The following SPAG16 variants were observed in gnomAD, a reference collection of about 807,000 sequenced individuals.
SPAG16 encodes the protein sperm associated antigen 16.
In SPAG16, 86 loss-of-function variants were observed where a neutral mutation model predicts 80.4. The ratio of observed to expected loss-of-function variants is 1.07; its 90% CI spans 0.90 to 1.28. The LOEUF (loss-of-function observed/expected upper bound fraction) is 1.28. Among genes scored for constraint, SPAG16 ranks in the 50% most tolerant of loss-of-function variants. The pLI is 0.00. For synonymous variants in SPAG16, 294 were observed against 265.9 expected, an observed-to-expected ratio of 1.11 and a Z score of -1.03; for missense variants, 870 against 765.3, an observed-to-expected ratio of 1.14 and a Z score of -1.61.
At chr2:214,309,167 A>C (rs547537067) in intron 15 of SPAG16, among the ~76,000 whole-genome samples, 1 of 151,514 alleles carries the variant, frequency 6.6e-6, no homozygotes, top group African/African-American at 2.4e-5. Context: ...TCTTTACTCC[A>C]CTTGGCCTAT....
intron 15 of SPAG16, among the ~76,000 whole-genome samples, chr2:214,390,991 T>C (rs1011050248): frequency 3.3e-5 from 5 of 152,124 alleles, no homozygotes; most frequent in African/African-American, 1.2e-4. Context: ...GAGGATTAGG[T>C]ATTTGTGACT....
intron 10 of SPAG16, among the ~76,000 whole-genome samples, chr2:213,812,489 G>A (rs2072228835): frequency 1.3e-5 from 2 of 152,164 alleles, no homozygotes; most frequent in African/African-American, 4.8e-5. Context: ...TTTAAAAAGT[G>A]ATTAGAATTG....
chr2:213,959,606 A>C (rs1157663200), intron 12 of SPAG16, among the ~76,000 whole-genome samples: 3 of 152,190 alleles, frequency 2.0e-5, no homozygotes, highest in Non-Finnish European at 4.4e-5. Context: ...ACCCTAAGGA[A>C]TAATACCATG....
At chr2:213,746,974 T>C (rs1248001956) in intron 10 of SPAG16, among the ~76,000 whole-genome samples, 1 of 152,164 alleles carries the variant, frequency 6.6e-6, no homozygotes, top group Non-Finnish European at 1.5e-5. Flanking sequence ...TGTAAATCAG[T>C]CTCAGGTCCT....
chr2:213,481,788 A>G (rs899151606), intron 9 of SPAG16, among the ~76,000 whole-genome samples: 2 of 152,232 alleles, frequency 1.3e-5, no homozygotes, highest in African/African-American at 4.8e-5. Flanking sequence ...AGTAAAAGGA[A>G]CACAAATGAA....
chr2:213,645,329 T>C (rs1463748965), intron 10 of SPAG16, among the ~76,000 whole-genome samples: 1 of 152,004 alleles, frequency 6.6e-6, no homozygotes, highest in East Asian at 1.9e-4. Flanking sequence ...CCCAAGAGTC[T>C]GCTTGGTGCT....
At chr2:213,597,225 A>G (rs1265985877) in intron 10 of SPAG16, among the ~76,000 whole-genome samples, 1 of 152,160 alleles carries the variant, frequency 6.6e-6, no homozygotes, top group Non-Finnish European at 1.5e-5. Context: ...TTGATTGGTA[A>G]TTCAACACAT....
chr2:214,240,205 C>T (rs975925066), intron 15 of SPAG16: 4 of 152,184 alleles, frequency 2.6e-5, no homozygotes, highest in African/African-American at 9.7e-5. Context: ...GTCCATATCA[C>T]CTCTAATCCA....
intron 15 of SPAG16, among the ~76,000 whole-genome samples, chr2:214,190,882 C>T (rs1266113730): frequency 6.6e-6 from 1 of 152,134 alleles, no homozygotes; most frequent in African/African-American, 2.4e-5. Context: ...TGTTGTTTAT[C>T]AGCTAATTGG....
chr2:214,078,787 T>C (rs2051214684), intron 13 of SPAG16, among the ~76,000 whole-genome samples: 1 of 152,182 alleles, frequency 6.6e-6, no homozygotes, highest in Non-Finnish European at 1.5e-5. Flanking sequence ...TTTCAGAGTA[T>C]TTCTCTATGA....
chr2:213,729,977 G>A (rs1397866198), intron 10 of SPAG16, among the ~76,000 whole-genome samples: 5 of 152,160 alleles, frequency 3.3e-5, no homozygotes, highest in Non-Finnish European at 5.9e-5. Flanking sequence ...AACTCTTTAC[G>A]TGCAGACACT....
chr2:213,315,404 C>T (rs1397673163), intron 4 of SPAG16, among the ~76,000 whole-genome samples: 5 of 151,908 alleles, frequency 3.3e-5, no homozygotes, highest in Admixed American at 1.3e-4. Flanking sequence ...GCCCCTCTCA[C>T]AGACTTAAGG....
intron 15 of SPAG16, among the ~76,000 whole-genome samples, chr2:214,248,287 ATAT>A (rs71975870): frequency 0.28 from 39,200 of 137,812 alleles, 5,524 homozygotes; most frequent in Non-Finnish European, 0.3. Context: ...TACTATTCTT[ATAT>A]TATTATTATT....
chr2:213,853,802 T>C (rs2075025125), intron 10 of SPAG16, among the ~76,000 whole-genome samples: 1 of 152,220 alleles, frequency 6.6e-6, no homozygotes, highest in African/African-American at 2.4e-5. Flanking sequence ...CTTATTATTC[T>C]TATTTATTAG....
At chr2:213,812,728 C>T (rs913229504) in intron 10 of SPAG16, among the ~76,000 whole-genome samples, 3 of 152,080 alleles carry the variant, frequency 2.0e-5, no homozygotes, top group Admixed American at 2.0e-4. Flanking sequence ...TTTATTCATT[C>T]ATACAACAAA....
chr2:214,371,685 ATT>A (rs368005487), intron 15 of SPAG16, among the ~76,000 whole-genome samples: 1 of 143,022 alleles, frequency 7.0e-6, no homozygotes, highest in African/African-American at 2.6e-5. Flanking sequence ...ATAGATAATA[ATT>A]TTTTTTTTTT....
chr2:213,583,277 C>G (rs1168684603), intron 10 of SPAG16, among the ~76,000 whole-genome samples: 1 of 151,986 alleles, frequency 6.6e-6, no homozygotes, highest in Non-Finnish European at 1.5e-5. Flanking sequence ...ACAGTCTGTA[C>G]CTAGTTTGGA....
At chr2:214,140,617 A>G (rs1413804036) in intron 14 of SPAG16, among the ~76,000 whole-genome samples, 1 of 151,984 alleles carries the variant, frequency 6.6e-6, no homozygotes, top group Non-Finnish European at 1.5e-5. Context: ...TTAAAACGTC[A>G]TTTGTCTTTA....
At chr2:213,779,090 G>C (rs1267204347) in intron 10 of SPAG16, among the ~76,000 whole-genome samples, 1 of 152,092 alleles carries the variant, frequency 6.6e-6, no homozygotes, top group South Asian at 2.1e-4. Context: ...ATCCTTTCCA[G>C]TTTTCCCTTT....
Sources: gnomAD v4.1 joint callset for allele counts (sites outside exome capture counted in the v4.1 genomes callset) on GRCh38, gnomAD v4.1.1 for gene constraint, MANE v1.5 for transcripts, NCBI Gene and HGNC (gene_info 2026-07-23, HGNC 2026-07-21) for gene names.